CEP126: variants seen among roughly 807,000 people sequenced by gnomAD.
CEP126 encodes centrosomal protein of 126 kDa.
CEP126 carries 74 observed loss-of-function variants against 107.8 expected under a neutral mutation model. The observed-to-expected ratio is 0.69, with a 90% CI of 0.57 to 0.83. The LOEUF is 0.83. Ranked by LOEUF, CEP126 falls within the 40% of genes least tolerant of loss-of-function variation. The pLI is 0.00. For missense variants in CEP126, 1,237 were observed against 1,281.9 expected (o/e 0.96, Z 0.53); for synonymous variants, 449 against 446.0 (o/e 1.01, Z -0.08).
At chr11:101,993,087 A>C (rs554894157) in intron 10 of CEP126, among the ~76,000 whole-genome samples, 31 of 152,220 alleles carry the variant, frequency 2.0e-4, no homozygotes, top group Non-Finnish European at 4.3e-4. Flanking sequence ...TCAGGGGTAC[A>C]TGTGCAGGTT....
Position 101,997,931 on chromosome 11 carries a change from T to G in CEP126, c.*288T>G, listed in dbSNP as rs1034289275. 22 of 307,740 alleles carry G rather than the reference T, an allele frequency of 7.1e-5. No homozygotes were observed. Among genetic ancestry groups the G allele is most frequent in the African/African-American group, 4.6e-4 (22 of 47,474 alleles). 19.1% of individuals were successfully genotyped at this position (307,740 alleles called of 1,614,324 possible). A position where few individuals can be genotyped will look rare whatever the true frequency, so the allele number is the denominator to read the frequency against. On this transcript the variant is annotated 3_prime_UTR_variant, in exon 11 of 11. Coordinates refer to ENST00000263468, the MANE Select transcript of CEP126 (RefSeq NM_020802.4). ...ATGCCACAAGGATGAAGCTTGTGAG[T>G]AGAGCAAACAAACGTTTTTCCAAAG...
intron 2 of CEP126, among the ~76,000 whole-genome samples, chr11:101,940,177 GAGACAT>G (rs1277897976): frequency 1.3e-5 from 2 of 152,200 alleles, no homozygotes; most frequent in Non-Finnish European, 2.9e-5. Context: ...TATCAGCCAT[GAGACAT>G]AAAGACGACA....
At chr11:101,964,647 A>C (rs966719869) in intron 6 of CEP126, among the ~76,000 whole-genome samples, 1 of 141,238 alleles carries the variant, frequency 7.1e-6, no homozygotes, top group African/African-American at 2.6e-5. Flanking sequence ...TAAAAAAAAA[A>C]AACAACAACA....
Position 101,961,805 on chromosome 11 carries a change from AG to A in CEP126, c.772del (p.Ala258LeufsTer9). 1.2e-6 allele frequency: 2 copies of A among 1,605,588 alleles called. No individual in the cohort carries two copies. Among genetic ancestry groups the A allele is most frequent in the Non-Finnish European group, 1.7e-6 (2 of 1,176,714 alleles). On this transcript the variant is annotated frameshift_variant, in exon 6 of 11. Transcript: ENST00000263468. LOFTEE classifies it high-confidence loss of function. Reference protein sequence around the residue: ...SETLSSIDSLEATEHEEIYLT... With the variant: ...SETLSSIDSLXATEHEEIYLT... ...ACCCTCTCAAGTATAGACAGTCTTG[AG>A]GCTACAGAGCATGAAGAAATATATT... is the stretch of plus-strand genomic sequence containing the variant.
chr11:101,920,670 C>T (rs1484977665), intron 1 of CEP126, among the ~76,000 whole-genome samples: 3 of 147,700 alleles, frequency 2.0e-5, no homozygotes, highest in Non-Finnish European at 3.0e-5. Context: ...GTGGCGTGTT[C>T]TTAGCTCACT....
intron 10 of CEP126, among the ~76,000 whole-genome samples, chr11:101,996,248 C>T (rs1941439791): frequency 6.6e-6 from 1 of 152,150 alleles, no homozygotes; most frequent in South Asian, 2.1e-4. Context: ...CCAGCAAGCT[C>T]CCCCTTCATA....
chr11:101,955,731 A>G (rs148001859), intron 4 of CEP126: 249 of 365,912 alleles, frequency 6.8e-4, no homozygotes, highest in African/African-American at 4.4e-3. Context: ...AAACCAAAAA[A>G]AATAATCTTA....
At chr11:101,928,213 T>G (rs1056578854) in intron 2 of CEP126, among the ~76,000 whole-genome samples, 2 of 152,244 alleles carry the variant, frequency 1.3e-5, no homozygotes, top group African/African-American at 4.8e-5. Flanking sequence ...TTGGACTGTT[T>G]GCTCTTTTAT....
intron 4 of CEP126, among the ~76,000 whole-genome samples, chr11:101,951,971 A>G (rs971300844): frequency 2.0e-5 from 3 of 152,194 alleles, no homozygotes; most frequent in Non-Finnish European, 1.5e-5. Flanking sequence ...GGTATTCCCT[A>G]TAGTGCTTAA....
At chr11:101,983,445 C>T (rs1177266469) in intron 8 of CEP126, among the ~76,000 whole-genome samples, 1 of 152,186 alleles carries the variant, frequency 6.6e-6, no homozygotes, top group Non-Finnish European at 1.5e-5. Flanking sequence ...ATCAGCGTCG[C>T]ATGAGCACAT....
At chr11:101,994,374 T>A (rs558495037) in intron 10 of CEP126, among the ~76,000 whole-genome samples, 1 of 152,244 alleles carries the variant, frequency 6.6e-6, no homozygotes, top group Non-Finnish European at 1.5e-5. Flanking sequence ...TTAGTTTAGC[T>A]AGGTTCCATT....
At chr11:101,947,680 G>A (rs1449257358) in intron 3 of CEP126, among the ~76,000 whole-genome samples, 1 of 152,064 alleles carries the variant, frequency 6.6e-6, no homozygotes, top group African/African-American at 2.4e-5. Context: ...TGGTGTTTTT[G>A]TATGTTCCCC....
rs1591297699 is a variant in CEP126 at position 101,992,989 on chromosome 11, TAA to T, written c.3309+148_3309+149del. On this transcript the variant is annotated intron_variant, in intron 10 of 10. Coordinates refer to ENST00000263468, the MANE Select transcript of CEP126 (RefSeq NM_020802.4). ...TTTCTCCTCAACTGGCTTTTTATTA[TAA>T]GACTGTTCATTAGAATTATGCAAAT... is the stretch of plus-strand genomic sequence containing the variant. 11 of 719,386 alleles carry T rather than the reference TAA, an allele frequency of 1.5e-5. No homozygotes were observed. In the East Asian group the frequency reaches 4.0e-4, roughly 26 times the overall value. The allele number at this position is 719,386 out of a possible 1,614,324, so 44.6% of individuals were successfully genotyped here.
intron 2 of CEP126, among the ~76,000 whole-genome samples, chr11:101,931,924 A>T (rs1283261533): frequency 6.6e-6 from 1 of 152,226 alleles, no homozygotes. Flanking sequence ...TATAGCTGTC[A>T]TTTGATGAGA....
intron 2 of CEP126, among the ~76,000 whole-genome samples, chr11:101,926,021 C>T (rs1034232731): frequency 6.6e-5 from 10 of 151,688 alleles, no homozygotes; most frequent in South Asian, 2.1e-4. Flanking sequence ...AATGTTGTTA[C>T]GTAAGATAGT....
intron 10 of CEP126, 82 bp downstream of exon 10, chr11:101,992,924 G>A (rs946558979): frequency 6.2e-5 from 77 of 1,234,960 alleles, no homozygotes; most frequent in African/African-American, 1.1e-4. Context: ...TAAGAACCCC[G>A]TATTAATATT....
intron 8 of CEP126, 130 bp downstream of exon 8, chr11:101,982,094 C>T (rs1941262478): frequency 1.9e-6 from 1 of 520,112 alleles, no homozygotes; most frequent in Non-Finnish European, 3.4e-6. Context: ...CTCTCCTCAC[C>T]CCTGCACATC....
intron 4 of CEP126, among the ~76,000 whole-genome samples, chr11:101,950,914 T>C (rs1940803569): frequency 6.6e-6 from 1 of 152,184 alleles, no homozygotes; most frequent in South Asian, 2.1e-4. Flanking sequence ...GCATCCTCTT[T>C]CTTATTTTAG....
At chr11:101,977,630 C>CAAAAA (rs952859970) in intron 6 of CEP126, among the ~76,000 whole-genome samples, 186 of 48,348 alleles carry the variant, frequency 3.8e-3, no homozygotes, top group Middle Eastern at 0.012. Context: ...GACTCTGTCT[C>CAAAAA]AAAAAAAAAA....
Sources: allele counts gnomAD v4.1 joint callset (sites outside exome capture counted in the v4.1 genomes callset), GRCh38; gene constraint gnomAD v4.1.1; transcripts MANE v1.5; gene names NCBI Gene and HGNC (gene_info 2026-07-23, HGNC 2026-07-21).